Variants in HPCAL1 observed in about 807,000 individuals in gnomAD.
HPCAL1 encodes the protein hippocalcin like 1.
In HPCAL1, 8 loss-of-function variants were observed where a neutral mutation model predicts 17.1. The ratio of observed to expected loss-of-function variants is 0.47; its 90% confidence interval spans 0.27 to 0.84. HPCAL1 has a LOEUF of 0.84. Among genes scored for constraint, HPCAL1 ranks in the 40% least tolerant of loss-of-function variants. The pLI, the probability that HPCAL1 is intolerant of heterozygous loss-of-function variation, is 0.13. For missense variants in HPCAL1, 165 were observed against 271.1 expected (o/e 0.61, Z 2.75); for synonymous variants, 112 against 111.4 (o/e 1.01, Z -0.03).
intron 1 of HPCAL1, among the ~76,000 whole-genome samples, chr2:10,360,414 A>T (rs1048696376): frequency 1.4e-5 from 2 of 146,914 alleles, no homozygotes; most frequent in Admixed American, 1.4e-4. Flanking sequence ...ATGTTAACTG[A>T]ATCTTTTTTT....
chr2:10,399,507 A>G lies in HPCAL1; in HGVS notation c.-25+2587A>G, dbSNP rs1275224572. The stretch of plus-strand genomic sequence containing the variant: ...CATCACCGCCACCATCACCATCACC[A>G]CCACCGCCGCCACCACCGCCACTGC... On this transcript the variant is annotated intron_variant, in intron 2 of 4. Coordinates refer to ENST00000307845, the MANE Select transcript of HPCAL1 (RefSeq NM_002149.4). Among the ~76,000 whole-genome samples the G allele has an allele frequency of 4.9e-4, 62 of 126,616 alleles. 1 individual carries two copies. Among genetic ancestry groups the G allele is most frequent in the East Asian group, 2.6e-3 (11 of 4,256 alleles). 83.1% of individuals were successfully genotyped at this position (126,616 alleles called of 152,430 possible). A position where few individuals can be genotyped will look rare whatever the true frequency, so the allele number is the denominator to read the frequency against.
At chr2:10,334,119 C>T (rs752460084) in intron 1 of HPCAL1, among the ~76,000 whole-genome samples, 87 of 152,188 alleles carry the variant, frequency 5.7e-4, no homozygotes, top group African/African-American at 1.1e-3. Flanking sequence ...CATATTTGTG[C>T]GCGTTTTACG....
intron 1 of HPCAL1, among the ~76,000 whole-genome samples, chr2:10,357,042 G>A (rs1666201185): frequency 1.3e-5 from 2 of 152,188 alleles, no homozygotes; most frequent in Non-Finnish European, 2.9e-5. Context: ...GAGCCCAGGA[G>A]GTTGAGGCTG....
intron 2 of HPCAL1, among the ~76,000 whole-genome samples, chr2:10,411,385 G>T (rs1006154980): frequency 1.3e-5 from 2 of 152,122 alleles, no homozygotes; most frequent in African/African-American, 2.4e-5. Flanking sequence ...GCCTCCTCTC[G>T]GCCTAGCCAG....
chr2:10,386,896 C>T (rs765623400), intron 1 of HPCAL1, among the ~76,000 whole-genome samples: 27 of 152,218 alleles, frequency 1.8e-4, no homozygotes, highest in Non-Finnish European at 3.2e-4. Flanking sequence ...TGCTTTCCTC[C>T]CTCTCTTATT....
intron 2 of HPCAL1, among the ~76,000 whole-genome samples, chr2:10,403,283 A>G (rs939767915): frequency 2.7e-4 from 41 of 151,868 alleles, no homozygotes; most frequent in African/African-American, 9.9e-4. Context: ...TGTTTTTCTC[A>G]AGGATGTTTT....
intron 1 of HPCAL1, among the ~76,000 whole-genome samples, chr2:10,346,707 A>T (rs1665479148): frequency 6.6e-6 from 1 of 152,212 alleles, no homozygotes; most frequent in South Asian, 2.1e-4. Flanking sequence ...ATCATCAAAC[A>T]GAATGAAGTG....
chr2:10,419,918 A>G lies in HPCAL1; in HGVS notation c.161A>G (p.Asn54Ser). The G allele has an allele frequency of 6.2e-7, 1 of 1,613,802 alleles. No individual in the cohort carries two copies. The highest frequency in any genetic ancestry group is 8.5e-7 in the Non-Finnish European group (1 of 1,179,966). The change falls in exon 3 of 5, where the codon AAC becomes AGC. Residue 54 changes from asparagine to serine, a missense_variant. Transcript: ENST00000307845. This position sits in a 1 kb window ranked among gnomAD's most constrained non-coding sequence, Gnocchi z 5.0. ...TVDEFKKIYANFFPYGDASKF... is the reference protein window; with the variant it reads ...TVDEFKKIYASFFPYGDASKF... ...GACGAGTTCAAGAAGATCTACGCCA[A>G]CTTCTTCCCCTACGGCGACGCTTCC...
At chr2:10,318,518 C>T (rs114584806) in intron 1 of HPCAL1, among the ~76,000 whole-genome samples, 2 of 152,166 alleles carry the variant, frequency 1.3e-5, no homozygotes, top group African/African-American at 2.4e-5. Flanking sequence ...TAAGGCCGCA[C>T]GTGGGTGTGG....
chr2:10,329,092 G>T (rs997854819), intron 1 of HPCAL1, among the ~76,000 whole-genome samples: 3 of 152,086 alleles, frequency 2.0e-5, no homozygotes, highest in African/African-American at 7.2e-5. Flanking sequence ...GCCTCCCAAA[G>T]TGCTAGGATT....
At chr2:10,371,277 G>A (rs966240163) in intron 1 of HPCAL1, among the ~76,000 whole-genome samples, 1 of 152,154 alleles carries the variant, frequency 6.6e-6, no homozygotes, top group Non-Finnish European at 1.5e-5. Context: ...AGGTGACTGT[G>A]CCCCCAGAAC....
rs1335826661 is a variant in HPCAL1 at position 10,426,850 on chromosome 2, AAC to A, written c.*33_*34del. On this transcript the variant is annotated 3_prime_UTR_variant, in exon 5 of 5. Coordinates refer to ENST00000307845, the MANE Select transcript of HPCAL1 (RefSeq NM_002149.4). Reference sequence around the variant, plus strand: ...AGCGGCCCCTGGACAGTTGCAGAGAAACACAGGCTTGTCGTGCCGTTTAAGCT... The same window carrying A: ...AGCGGCCCCTGGACAGTTGCAGAGAAACAGGCTTGTCGTGCCGTTTAAGCT... 6.4e-7 allele frequency: 1 copy of A among 1,573,620 alleles called. No homozygotes were observed.
intron 1 of HPCAL1, among the ~76,000 whole-genome samples, chr2:10,327,526 G>A (rs1664089458): frequency 1.3e-5 from 2 of 152,142 alleles, no homozygotes; most frequent in African/African-American, 4.8e-5. Context: ...CTATTGTCAG[G>A]ATTATATGAG....
chr2:10,424,410 G>T lies in HPCAL1; in HGVS notation c.484+1322G>T, dbSNP rs368917029. On this transcript the variant is annotated intron_variant, in intron 4 of 4. Transcript: ENST00000307845. ...GCTCTCCTGAGGCTGTCCGCTCCTC[G>T]TGGGGATGGTGAATCCGGTCCCATG... 1.1e-5 allele frequency: 5 copies of T among 447,442 alleles called. No homozygotes were observed. In the East Asian group the frequency reaches 2.9e-4, roughly 26 times the overall value. The allele number at this position is 447,442 out of a possible 1,614,324, so 27.7% of individuals were successfully genotyped here.
chr2:10,424,715 G>A (rs1671294411), intron 4 of HPCAL1: 1 of 451,532 alleles, frequency 2.2e-6, no homozygotes, highest in Non-Finnish European at 4.6e-6. Context: ...CTGGAGCTTG[G>A]GGCAAGGAGG....
chr2:10,349,702 C>CAAAAAAAA lies in HPCAL1; in HGVS notation c.-111+46555_-111+46562dup, dbSNP rs55897775. On this transcript the variant is annotated intron_variant, in intron 1 of 4. Coordinates refer to ENST00000307845, the MANE Select transcript of HPCAL1 (RefSeq NM_002149.4). ...TGGGTGACAGAGCAAGACTCTGTCT[C>CAAAAAAAA]AAAAAAAAAAAAAAAAAAAAAAAAA... Among the ~76,000 whole-genome samples the CAAAAAAAA allele has an allele frequency of 9.1e-4, 48 of 52,734 alleles. 3 individuals are homozygous for CAAAAAAAA. The highest frequency in any genetic ancestry group is 1.5e-3 in the African/African-American group (15 of 10,290). The allele number at this position is 52,734 out of a possible 152,430, so 34.6% of individuals were successfully genotyped here.
intron 1 of HPCAL1, among the ~76,000 whole-genome samples, chr2:10,374,387 T>C (rs1338194017): frequency 1.3e-5 from 2 of 152,186 alleles, no homozygotes; most frequent in Non-Finnish European, 1.5e-5. Flanking sequence ...TTTGGTTGCT[T>C]TGTTGCAGTA....
chr2:10,387,245 C>G (rs966072255), intron 1 of HPCAL1, among the ~76,000 whole-genome samples: 5 of 152,238 alleles, frequency 3.3e-5, no homozygotes, highest in Non-Finnish European at 7.3e-5. Context: ...CCTCCTTGTG[C>G]CAGCCTCACG....
intron 2 of HPCAL1, among the ~76,000 whole-genome samples, chr2:10,413,554 C>T (rs750074502): frequency 2.0e-5 from 3 of 152,220 alleles, no homozygotes; most frequent in South Asian, 2.1e-4. Flanking sequence ...CAGGCGCACA[C>T]GTCTGCCCTC....
Sources: allele counts gnomAD v4.1 joint callset (sites outside exome capture counted in the v4.1 genomes callset), GRCh38; gene constraint gnomAD v4.1.1; non-coding constraint Gnocchi (gnomAD v3.1); transcripts MANE v1.5; gene names NCBI Gene and HGNC (gene_info 2026-07-23, HGNC 2026-07-21).